The following IPP variants were observed in gnomAD, a reference collection of about 807,000 sequenced individuals.
IPP encodes actin-binding protein IPP.
In IPP, 41 loss-of-function variants were observed where a neutral mutation model predicts 64.1. The ratio of observed to expected loss-of-function variants is 0.64; its 90% CI spans 0.50 to 0.83. The LOEUF is 0.83. IPP is among the 40% of genes least tolerant of loss of function. The pLI, the probability that IPP is intolerant of heterozygous loss-of-function variation, is 0.00. For synonymous variants in IPP, 214 were observed against 235.2 expected (o/e 0.91, Z 0.83); for missense variants, 649 against 703.0 (o/e 0.92, Z 0.87).
At chr1:45,733,786 C>G (rs758282760) in intron 3 of IPP, among the ~76,000 whole-genome samples, 7 of 151,306 alleles carry the variant, frequency 4.6e-5, no homozygotes, top group Non-Finnish European at 8.9e-5. Flanking sequence ...GAGCCGAGAT[C>G]ACGCCATTGC....
downstream of IPP, chr1:45,696,897 T>C (rs1645392736): frequency 6.6e-6 from 1 of 152,254 alleles, no homozygotes. Context: ...GCCTTGACAT[T>C]ACATTTCTGC....
intron 7 of IPP, among the ~76,000 whole-genome samples, chr1:45,716,080 T>C (rs1645654585): frequency 6.6e-6 from 1 of 152,162 alleles, no homozygotes; most frequent in Admixed American, 6.6e-5. Context: ...GCTTACTACC[T>C]ACCTCTCAAG....
intron 2 of IPP, among the ~76,000 whole-genome samples, chr1:45,744,025 A>T (rs1263369163): frequency 6.6e-6 from 1 of 152,174 alleles, no homozygotes; most frequent in South Asian, 2.1e-4. Context: ...ACCAAAAAAA[A>T]AAAAAAGAGT....
chr1:45,733,528 T>C (rs982198160), intron 3 of IPP, among the ~76,000 whole-genome samples: 2 of 143,434 alleles, frequency 1.4e-5, no homozygotes, highest in Admixed American at 6.9e-5. Flanking sequence ...AGAGGAGACA[T>C]AGGAGAATCA....
chr1:45,747,657 G>A (rs1570063132), intron 1 of IPP, among the ~76,000 whole-genome samples: 1 of 151,640 alleles, frequency 6.6e-6, no homozygotes, highest in Non-Finnish European at 1.5e-5. Flanking sequence ...ACAAAACCCC[G>A]TCTCTTCTAA....
At position 45,714,435 on chromosome 1, in the gene IPP, A is replaced by C; in HGVS notation, c.1341T>G (p.Asn447Lys). The C allele has an allele frequency of 6.2e-7, 1 of 1,613,518 alleles. No homozygotes were observed. Among genetic ancestry groups the C allele is most frequent in the Non-Finnish European group, 8.5e-7 (1 of 1,179,400 alleles). Residue 447 changes from asparagine to lysine, a missense_variant, in exon 8 of 9, where the codon AAT becomes AAG. Physicochemically the swap from Asn to Lys is moderately conservative, Grantham distance 94 (BLOSUM62 0). Transcript: ENST00000396478. ...CAAAAGAACGAAGTTCTATTCCTTC[A>C]TTGCTGATGCCCCCAATTACATAAA... ...GLIYVIGGIS[N>K]EGIELRSFEV...
downstream of IPP, among the ~76,000 whole-genome samples, chr1:45,695,165 TTTTTG>T (rs202093878): frequency 6.4e-3 from 970 of 152,054 alleles, 6 homozygotes; most frequent in African/African-American, 0.022. Context: ...TGTGTTTTTG[TTTTTG>T]TTTTGTTTTG....
chr1:45,716,746 T>C (rs148831403), intron 7 of IPP, 149 bp downstream of exon 7: 9 of 559,528 alleles, frequency 1.6e-5, no homozygotes, highest in African/African-American at 1.4e-4. Flanking sequence ...AAGTCAATGA[T>C]AGGAGGTAAA....
At chr1:45,732,436 T>C (rs370840018) in intron 3 of IPP, among the ~76,000 whole-genome samples, 9 of 149,974 alleles carry the variant, frequency 6.0e-5, no homozygotes, top group African/African-American at 2.2e-4. Flanking sequence ...ATGAGATGCA[T>C]TGCTAAGAAA....
Position 45,728,168 on chromosome 1 carries a change from G to GTGTGT in IPP, c.881-375_881-371dup, listed in dbSNP as rs1553191695. ...TGTGTGTGTGTGTGTGTGTGTGTGTGTGTGTTTGAGGCAGGGTTTCACTCT... is the reference window on the plus strand; with the variant it reads ...TGTGTGTGTGTGTGTGTGTGTGTGTGTGTGTTGTGTTTGAGGCAGGGTTTCACTCT... On this transcript the variant is annotated intron_variant, in intron 4 of 8. Transcript: ENST00000396478. Among the ~76,000 whole-genome samples the GTGTGT allele has an allele frequency of 1.7e-3, 257 of 149,220 alleles. 1 individual carries two copies. Among genetic ancestry groups the GTGTGT allele is most frequent in the African/African-American group, 6.2e-3 (244 of 39,438 alleles).
Position 45,698,717 on chromosome 1 carries a change from C to CTTTTT in IPP, c.*1244_*1248dup. ...AGCAAAAAAGGAAGAATTTTTTTTTCTTTTTTTTTTTTTTTTTTTGAGACA... is the reference window on the plus strand; with the variant it reads ...AGCAAAAAAGGAAGAATTTTTTTTTCTTTTTTTTTTTTTTTTTTTTTTTTGAGACA... On this transcript the variant is annotated 3_prime_UTR_variant, in exon 9 of 9. Transcript: ENST00000396478. 1.3e-5 allele frequency: 10 copies of CTTTTT among 744,470 alleles called. No homozygotes were observed. Among genetic ancestry groups the CTTTTT allele is most frequent in the South Asian group, 6.3e-5 (1 of 15,922 alleles). 46.1% of individuals were successfully genotyped at this position (744,470 alleles called of 1,614,324 possible). A position where few individuals can be genotyped will look rare whatever the true frequency, so the allele number is the denominator to read the frequency against.
In IPP at chr1:45,720,068, G is replaced by T. The variant is rs1054115454; in HGVS notation, c.1049-728C>A. 2.7e-5 allele frequency among the ~76,000 whole-genome samples: 4 copies of T among 149,930 alleles called. No individual in the cohort carries two copies. The Admixed American group carries it at 2.7e-4, about 10-fold the overall frequency. On this transcript the variant is annotated intron_variant, in intron 5 of 8. Transcript: ENST00000396478. ...AAGATACCCAAATTTTCATGTTTTT[G>T]ATATTTATTTATTTATTTATTTTTA...
intron 4 of IPP, among the ~76,000 whole-genome samples, chr1:45,728,126 C>CTTTGTG (rs1645856503): frequency 7.6e-6 from 1 of 132,234 alleles, no homozygotes; most frequent in Non-Finnish European, 1.6e-5. Context: ...GAGTTGAAAG[C>CTTTGTG]TGTGTGTGTG....
intron 8 of IPP, among the ~76,000 whole-genome samples, chr1:45,701,663 T>C (rs541370438): frequency 6.6e-4 from 101 of 152,266 alleles, no homozygotes; most frequent in Admixed American, 6.3e-3. Flanking sequence ...AAGAAGTAAT[T>C]AGGAGAGCAA....
intron 8 of IPP, among the ~76,000 whole-genome samples, chr1:45,700,418 C>T (rs10890344): frequency 0.29 from 43,467 of 151,780 alleles, 6,347 homozygotes; most frequent in South Asian, 0.37. Context: ...CTCGGCTCAG[C>T]GCAGCCTCAA....
In IPP at chr1:45,741,795, AT is replaced by A. The variant is rs1182131896; in HGVS notation, c.293-464del. 4.0e-5 allele frequency among the ~76,000 whole-genome samples: 5 copies of A among 125,592 alleles called. 2 individuals are homozygous for A. Among genetic ancestry groups the A allele is most frequent in the Non-Finnish European group, 6.9e-5 (4 of 57,650 alleles). The allele number at this position is 125,592 out of a possible 152,430, so 82.4% of individuals were successfully genotyped here. On this transcript the variant is annotated intron_variant, in intron 2 of 8. Coordinates refer to ENST00000396478, the MANE Select transcript of IPP (RefSeq NM_005897.3). ...AGGCGCCCGCCACTGCGCCCGGCTA[AT>A]TTTTTGTATTTTTAGTAGAGACGGG...
At chr1:45,718,125 A>T (rs547050449) in intron 6 of IPP, among the ~76,000 whole-genome samples, 1 of 152,330 alleles carries the variant, frequency 6.6e-6, no homozygotes, top group East Asian at 1.9e-4. Context: ...CTACATATAC[A>T]AGAATAAAAA....
chr1:45,699,842 A>G lies in IPP; in HGVS notation c.*124T>C, dbSNP rs1645428395. Reference sequence around the variant, plus strand: ...CTGCGCCCAGCCTCGTTAGTCATTTATCTACCAAATACATGGAAAACTCAC... The same window carrying G: ...CTGCGCCCAGCCTCGTTAGTCATTTGTCTACCAAATACATGGAAAACTCAC... On this transcript the variant is annotated 3_prime_UTR_variant, in exon 9 of 9. Transcript: ENST00000396478. 4 of 1,485,148 alleles carry G rather than the reference A, an allele frequency of 2.7e-6. No individual in the cohort carries two copies. Among genetic ancestry groups the G allele is most frequent in the Middle Eastern group, 1.9e-4 (1 of 5,370 alleles). 92.0% of individuals were successfully genotyped at this position (1,485,148 alleles called of 1,614,324 possible). A position where few individuals can be genotyped will look rare whatever the true frequency, so the allele number is the denominator to read the frequency against.
chr1:45,736,588 T>TA (rs890327850), intron 3 of IPP, among the ~76,000 whole-genome samples: 6 of 151,206 alleles, frequency 4.0e-5, no homozygotes, highest in African/African-American at 1.5e-4. Context: ...ATGGTTGCCT[T>TA]AAAAAAAAAT....
Sources: gnomAD v4.1 joint callset for allele counts (sites outside exome capture counted in the v4.1 genomes callset) on GRCh38, gnomAD v4.1.1 for gene constraint, MANE v1.5 for transcripts, NCBI Gene and HGNC (gene_info 2026-07-23, HGNC 2026-07-21) for gene names.